HINT3: variants seen among roughly 807,000 people sequenced by gnomAD.
HINT3 encodes the protein adenosine 5'-monophosphoramidase HINT3.
HINT3 carries 16 observed loss-of-function variants against 19.1 expected under a neutral mutation model. That is an observed-to-expected ratio of 0.84 (90% CI 0.57 to 1.27). The LOEUF is 1.27. Among genes scored for constraint, HINT3 ranks in the 50% most tolerant of loss-of-function variants. The probability of loss-of-function intolerance (pLI) is 0.00; values close to 1 mark genes in which losing one functional copy is unlikely to be tolerated. For missense variants in HINT3, 197 were observed against 225.8 expected (o/e 0.87, Z 0.82); for synonymous variants, 75 against 84.8 (o/e 0.88, Z 0.63).
intron 3 of HINT3, among the ~76,000 whole-genome samples, chr6:125,974,140 T>C (rs942736299): frequency 1.3e-5 from 2 of 152,192 alleles, no homozygotes; most frequent in Non-Finnish European, 2.9e-5. Flanking sequence ...TAGGCTTTGA[T>C]TATTGTTACA....
Position 125,979,901 on chromosome 6 carries a change from G to C in HINT3, c.*2225G>C, listed in dbSNP as rs937218466. 2.6e-5 allele frequency: 4 copies of C among 152,310 alleles called. No individual in the cohort carries two copies. The highest frequency in any genetic ancestry group is 9.7e-5 in the African/African-American group (4 of 41,406). 9.4% of individuals were successfully genotyped at this position (152,310 alleles called of 1,614,324 possible). Reference sequence around the variant, plus strand: ...CCTATTTGTTTCCGAGATCAGACGAGATCGGGCGCGTTCAGGGTGGTATGG... The same window carrying C: ...CCTATTTGTTTCCGAGATCAGACGACATCGGGCGCGTTCAGGGTGGTATGG... On this transcript the variant is annotated 3_prime_UTR_variant, in exon 5 of 5. Coordinates refer to ENST00000229633, the MANE Select transcript of HINT3 (RefSeq NM_138571.5).
At chr6:125,961,435 C>T (rs1207515880) in intron 1 of HINT3, among the ~76,000 whole-genome samples, 1 of 152,172 alleles carries the variant, frequency 6.6e-6, no homozygotes, top group Admixed American at 6.5e-5. Flanking sequence ...GACTCAGTCC[C>T]CAAGACTGGC....
At position 125,977,978 on chromosome 6, in the gene HINT3, A is replaced by C. The variant is rs985440453; in HGVS notation, c.*302A>C. ...CAAGGGCTCTGTATTTTTTTAAGTT[A>C]AAATATTTTCATTTCTCAGTAAGTA... is the stretch of plus-strand genomic sequence containing the variant. On this transcript the variant is annotated 3_prime_UTR_variant, in exon 5 of 5. Transcript: ENST00000229633. The C allele has an allele frequency of 4.5e-6, 1 of 222,288 alleles. No homozygotes were observed. Among genetic ancestry groups the C allele is most frequent in the African/African-American group, 2.3e-5 (1 of 44,172 alleles). 13.8% of individuals were successfully genotyped at this position (222,288 alleles called of 1,614,324 possible).
chr6:125,962,343 A>T lies in HINT3; in HGVS notation c.202-4544A>T, dbSNP rs568446292. ...TATATATATATATCACACACACATA[A>T]CCGTATAATACAAAACGTAAGATAC... is the stretch of plus-strand genomic sequence containing the variant. On this transcript the variant is annotated intron_variant, in intron 1 of 4. Transcript: ENST00000229633. Among the ~76,000 whole-genome samples, 187 of 140,690 alleles carry T rather than the reference A, an allele frequency of 1.3e-3. 7 individuals carry two copies. The highest frequency in any genetic ancestry group is 4.8e-3 in the African/African-American group (176 of 36,746). 92.3% of individuals were successfully genotyped at this position (140,690 alleles called of 152,430 possible).
intron 4 of HINT3, among the ~76,000 whole-genome samples, chr6:125,977,318 A>G (rs1027149446): frequency 6.6e-6 from 1 of 152,164 alleles, no homozygotes; most frequent in Non-Finnish European, 1.5e-5. Context: ...TACAGTATGT[A>G]GCCTTTTCAG....
chr6:125,966,195 G>T (rs1290129527), intron 1 of HINT3, among the ~76,000 whole-genome samples: 1 of 152,120 alleles, frequency 6.6e-6, no homozygotes, highest in African/African-American at 2.4e-5. Flanking sequence ...AAATTCAAAT[G>T]TTAATAGGTT....
At chr6:125,968,286 A>G (rs1789046687) in intron 2 of HINT3, among the ~76,000 whole-genome samples, 1 of 152,204 alleles carries the variant, frequency 6.6e-6, no homozygotes, top group Admixed American at 6.5e-5. Flanking sequence ...GTTCCTGTGT[A>G]ATTCATTTAG....
At chr6:125,973,374 G>C (rs1372606982) in intron 3 of HINT3, among the ~76,000 whole-genome samples, 2 of 151,886 alleles carry the variant, frequency 1.3e-5, no homozygotes, top group Admixed American at 6.6e-5. Context: ...CCACTGCGCC[G>C]GGCCTTTTCA....
Position 125,956,833 on chromosome 6 carries a change from C to A in HINT3, c.-145C>A. On this transcript the variant is annotated 5_prime_UTR_variant, in exon 1 of 5. Coordinates refer to ENST00000229633, the MANE Select transcript of HINT3 (RefSeq NM_138571.5). ...TGAAGTTCCTCACCGCGTCTCCTTC[C>A]CTCTCCCCAAAGCCTGGATCACCGC... The A allele has an allele frequency of 1.2e-6, 1 of 856,834 alleles. No individual in the cohort carries two copies. The highest frequency in any genetic ancestry group is 1.8e-6 in the Non-Finnish European group (1 of 569,376). 53.1% of individuals were successfully genotyped at this position (856,834 alleles called of 1,614,324 possible).
chr6:125,970,193 G>A (rs1342513636), intron 2 of HINT3, among the ~76,000 whole-genome samples: 1 of 151,992 alleles, frequency 6.6e-6, no homozygotes, highest in Non-Finnish European at 1.5e-5. Flanking sequence ...TTAAACTGTC[G>A]ATTCTGAATA....
intron 1 of HINT3, among the ~76,000 whole-genome samples, chr6:125,958,579 T>C (rs1788872978): frequency 6.6e-6 from 1 of 152,136 alleles, no homozygotes; most frequent in African/African-American, 2.4e-5. Flanking sequence ...GTAGAGGAGA[T>C]TATGAAAAGT....
chr6:125,963,015 A>G (rs1268871955), intron 1 of HINT3, among the ~76,000 whole-genome samples: 1 of 152,190 alleles, frequency 6.6e-6, no homozygotes, highest in African/African-American at 2.4e-5. Flanking sequence ...TTGGAACTAT[A>G]CTGAGGAAAT....
At chr6:125,967,110 A>G in intron 2 of HINT3, 106 bp downstream of exon 2, 1 of 650,408 alleles carries the variant, frequency 1.5e-6, no homozygotes, top group Non-Finnish European at 2.6e-6. Context: ...GTGAAAAAGG[A>G]GCATTATGAC....
rs76787419 is a variant in HINT3 at position 125,966,779 on chromosome 6, A to G, written c.202-108A>G. On this transcript the variant is annotated intron_variant, in intron 1 of 4. Coordinates refer to ENST00000229633, the MANE Select transcript of HINT3 (RefSeq NM_138571.5). Reference sequence around the variant, plus strand: ...TTGCCCAGTGGGGGTTAGGTGTAACATAAGTATCATTTCCCTGTCAGACTG... The same window carrying G: ...TTGCCCAGTGGGGGTTAGGTGTAACGTAAGTATCATTTCCCTGTCAGACTG... The G allele has an allele frequency of 3.4e-3, 2,345 of 680,284 alleles. 38 individuals are homozygous for G. Among genetic ancestry groups the G allele is most frequent in the African/African-American group, 0.033 (1,805 of 54,758 alleles). The allele number at this position is 680,284 out of a possible 1,614,324, so 42.1% of individuals were successfully genotyped here. A position where few individuals can be genotyped will look rare whatever the true frequency, so the allele number is the denominator to read the frequency against.
chr6:125,972,202 C>A, intron 2 of HINT3, 57 bp from the exon 3 acceptor site: 2 of 1,109,840 alleles, frequency 1.8e-6, no homozygotes, highest in Non-Finnish European at 2.7e-6. Flanking sequence ...AGATCAATGG[C>A]AATTTGTGAC....
chr6:125,960,233 C>T (rs1405665428), intron 1 of HINT3, among the ~76,000 whole-genome samples: 2 of 152,202 alleles, frequency 1.3e-5, no homozygotes, highest in African/African-American at 4.8e-5. Context: ...TACCAGTCTG[C>T]TTAGTTGTGT....
chr6:125,978,265 C>A lies in HINT3; in HGVS notation c.*589C>A, dbSNP rs1043415030. ...GAAGCATTGCATCTTTTTAATAAAT[C>A]TATCCTGAAAGCTATATAATATATA... On this transcript the variant is annotated 3_prime_UTR_variant, in exon 5 of 5. Transcript: ENST00000229633. The A allele has an allele frequency of 2.6e-5, 4 of 151,994 alleles. No homozygotes were observed. Among genetic ancestry groups the A allele is most frequent in the African/African-American group, 9.7e-5 (4 of 41,418 alleles). 9.4% of individuals were successfully genotyped at this position (151,994 alleles called of 1,614,324 possible).
chr6:125,966,745 A>ACATGAAGGAAAGTG, intron 1 of HINT3, 142 bp from the exon 2 acceptor site: 2 of 523,844 alleles, frequency 3.8e-6, no homozygotes, highest in Non-Finnish European at 6.7e-6. Context: ...TTAATGCGTA[A>ACATGAAGGAAAGTG]TTATAAAATT....
intron 3 of HINT3, among the ~76,000 whole-genome samples, chr6:125,974,381 A>G (rs1437321648): frequency 2.0e-5 from 3 of 152,016 alleles, no homozygotes; most frequent in African/African-American, 7.3e-5. Context: ...CACTACTGAA[A>G]TATTGTTGGT....
Sources: allele counts gnomAD v4.1 joint callset (sites outside exome capture counted in the v4.1 genomes callset), GRCh38; gene constraint gnomAD v4.1.1; transcripts MANE v1.5; gene names NCBI Gene and HGNC (gene_info 2026-07-23, HGNC 2026-07-21).